EML6: variants seen among roughly 807,000 people sequenced by gnomAD.
The protein encoded by EML6 is echinoderm microtubule-associated protein-like 6.
In EML6, 154 loss-of-function variants were observed where a neutral mutation model predicts 240.1. The ratio of observed to expected loss-of-function variants is 0.64; its 90% CI spans 0.56 to 0.73. The LOEUF (loss-of-function observed/expected upper bound fraction) is 0.73, where lower values mean the gene tolerates loss of function less well. Among genes scored for constraint, EML6 ranks in the 30% least tolerant of loss-of-function variants. The probability of loss-of-function intolerance (pLI) is 0.00; values close to 1 mark genes in which losing one functional copy is unlikely to be tolerated. For synonymous variants in EML6, 1,148 were observed against 899.0 expected, an observed-to-expected ratio of 1.28 and a Z score of -4.95; for missense variants, 2,964 against 2,474.6, an observed-to-expected ratio of 1.20 and a Z score of -4.20.
chr2:54,736,782 TC>T (rs1294259543), intron 2 of EML6, among the ~76,000 whole-genome samples: 3 of 152,114 alleles, frequency 2.0e-5, no homozygotes, highest in African/African-American at 7.2e-5. Flanking sequence ...TTGCCTCCTC[TC>T]CCTAGGCCTA....
chr2:54,842,934 GA>G (rs1329855054), intron 7 of EML6, among the ~76,000 whole-genome samples: 1 of 152,184 alleles, frequency 6.6e-6, no homozygotes, highest in African/African-American at 2.4e-5. Context: ...TTTTGAGATT[GA>G]AATTGGAGTT....
At chr2:54,827,994 A>G (rs1172697283) in intron 6 of EML6, among the ~76,000 whole-genome samples, 2 of 152,208 alleles carry the variant, frequency 1.3e-5, no homozygotes, top group African/African-American at 4.8e-5. Context: ...CAGTAGTTTG[A>G]CAGAACACTA....
intron 15 of EML6, among the ~76,000 whole-genome samples, chr2:54,870,042 G>C (rs1003127156): frequency 1.3e-5 from 2 of 152,168 alleles, no homozygotes; most frequent in Non-Finnish European, 2.9e-5. Flanking sequence ...CAAATGTATA[G>C]ATTATACTTT....
At chr2:54,847,442 G>T in intron 8 of EML6, 44 bp from the exon 9 acceptor site, 1 of 1,540,300 alleles carries the variant, frequency 6.5e-7, no homozygotes. Flanking sequence ...CGATGACCAT[G>T]GGAAGTTGGT....
chr2:54,935,818 A>T (rs1346156687), intron 28 of EML6, among the ~76,000 whole-genome samples: 1 of 152,216 alleles, frequency 6.6e-6, no homozygotes, highest in Non-Finnish European at 1.5e-5. Flanking sequence ...TGAGGCTGGC[A>T]GGAGTTTAGA....
intron 28 of EML6, among the ~76,000 whole-genome samples, chr2:54,938,367 A>G (rs971441412): frequency 6.6e-5 from 10 of 152,214 alleles, no homozygotes; most frequent in African/African-American, 2.4e-4. Flanking sequence ...AGATACAGTT[A>G]CATAAGGCAG....
rs745870299 is a variant in EML6 at position 54,844,187 on chromosome 2, G to C, written c.988G>C (p.Ala330Pro). 6.4e-7 allele frequency: 1 copy of C among 1,551,718 alleles called. No individual in the cohort carries two copies. The highest frequency in any genetic ancestry group is 8.7e-7 in the Non-Finnish European group (1 of 1,146,996). The change falls in exon 8 of 42, where the codon GCT (alanine) becomes CCT (proline). Residue 330 changes from alanine (A) to proline (P), a missense_variant. By Grantham distance (27) the Ala-to-Pro change is conservative. Coordinates refer to ENST00000356458, the MANE Select transcript of EML6 (RefSeq NM_001039753.4). Reference protein sequence around the residue: ...LQGHCEGELWALALHPKKPLA... With the variant: ...LQGHCEGELWPLALHPKKPLA... ...GGGCCACTGCGAGGGTGAGCTCTGGGCTCTGGCCCTGCACCCCAAGAAGCC... is the reference window on the plus strand; with the variant it reads ...GGGCCACTGCGAGGGTGAGCTCTGGCCTCTGGCCCTGCACCCCAAGAAGCC...
intron 39 of EML6, 127 bp downstream of exon 39, chr2:54,967,230 G>A (rs1194925876): frequency 3.2e-6 from 2 of 634,198 alleles, no homozygotes; most frequent in African/African-American, 1.8e-5. Flanking sequence ...TTTCTTTTGG[G>A]GGTGAGGGTG....
intron 21 of EML6, among the ~76,000 whole-genome samples, chr2:54,896,072 A>G (rs1037078856): frequency 1.3e-5 from 2 of 152,218 alleles, no homozygotes; most frequent in Non-Finnish European, 2.9e-5. Context: ...TATGAGGGTC[A>G]CCGTCACTGG....
intron 26 of EML6, among the ~76,000 whole-genome samples, chr2:54,921,199 A>G (rs1204447832): frequency 2.0e-5 from 3 of 152,146 alleles, no homozygotes; most frequent in Admixed American, 6.5e-5. Flanking sequence ...ATGATCTTAT[A>G]TATAGAAAAC....
intron 2 of EML6, among the ~76,000 whole-genome samples, chr2:54,745,722 A>G (rs1389832815): frequency 2.0e-5 from 3 of 152,186 alleles, no homozygotes; most frequent in Non-Finnish European, 4.4e-5. Context: ...TTGTGGCTGC[A>G]GTGAACCATA....
chr2:54,723,900 C>T (rs7576522), intron 1 of EML6, 123 bp downstream of exon 1: 43,870 of 152,014 alleles, frequency 0.29, 8,684 homozygotes, highest in African/African-American at 0.58. Flanking sequence ...GGGCATCCCT[C>T]GCGCAGCGCG....
rs1490863713 is a variant in EML6, at chr2:54,785,403, G to T, written c.198-27829G>T. Among the ~76,000 whole-genome samples the T allele has an allele frequency of 2.6e-5, 4 of 151,822 alleles. No individual in the cohort carries two copies. In the East Asian group the frequency reaches 7.7e-4, roughly 29 times the overall value. On this transcript the variant is annotated intron_variant, in intron 2 of 41. Transcript: ENST00000356458. ...GTTGCCAGGCTGGTCTTGAACTCCGGACCTCAAGTGATCCTCCCACCTCGG... is the reference window on the plus strand; with the variant it reads ...GTTGCCAGGCTGGTCTTGAACTCCGTACCTCAAGTGATCCTCCCACCTCGG...
intron 7 of EML6, among the ~76,000 whole-genome samples, chr2:54,835,002 C>A (rs554528215): frequency 6.6e-6 from 1 of 152,326 alleles, no homozygotes; most frequent in South Asian, 2.1e-4. Context: ...GCAGCCACCA[C>A]CCTCCGCATT....
intron 17 of EML6, among the ~76,000 whole-genome samples, chr2:54,885,178 C>T (rs1448535795): frequency 1.2e-4 from 19 of 152,060 alleles, no homozygotes; most frequent in Non-Finnish European, 1.5e-5. Context: ...GGCACGGTGG[C>T]TCACGCCTGT....
At chr2:54,780,226 A>C (rs1572887932) in intron 2 of EML6, among the ~76,000 whole-genome samples, 2 of 152,246 alleles carry the variant, frequency 1.3e-5, no homozygotes, top group African/African-American at 4.8e-5. Context: ...TATAATATCT[A>C]TTGAAATGTA....
intron 21 of EML6, among the ~76,000 whole-genome samples, chr2:54,898,361 A>C (rs1450263841): frequency 6.6e-6 from 1 of 152,122 alleles, no homozygotes; most frequent in Non-Finnish European, 1.5e-5. Context: ...TAAAATACAC[A>C]AAGGGGCTCA....
chr2:54,754,484 T>C (rs1684314810), intron 2 of EML6, among the ~76,000 whole-genome samples: 1 of 152,208 alleles, frequency 6.6e-6, no homozygotes, highest in African/African-American at 2.4e-5. Flanking sequence ...TACCCTCTTT[T>C]GTGAAGTGCC....
chr2:54,967,612 G>T (rs1182229400), intron 39 of EML6, among the ~76,000 whole-genome samples: 1 of 152,134 alleles, frequency 6.6e-6, no homozygotes, highest in Non-Finnish European at 1.5e-5. Flanking sequence ...TGTGTTTTTG[G>T]AGTGTAGGGA....
Sources: gnomAD v4.1 joint callset for allele counts (sites outside exome capture counted in the v4.1 genomes callset) on GRCh38, gnomAD v4.1.1 for gene constraint, MANE v1.5 for transcripts, NCBI Gene and HGNC (gene_info 2026-07-23, HGNC 2026-07-21) for gene names.